PTPRG: variants seen among roughly 807,000 people sequenced by gnomAD.
PTPRG encodes the protein protein tyrosine phosphatase receptor type G, also known as receptor-type tyrosine-protein phosphatase gamma.
A neutral mutation model predicts 165.3 loss-of-function variants in PTPRG; 102 were observed. The observed-to-expected ratio is 0.62, with a 90% confidence interval of 0.53 to 0.73. The LOEUF is 0.73. Among genes scored for constraint, PTPRG ranks in the 30% least tolerant of loss-of-function variants. The pLI is 0.00. For missense variants in PTPRG, 1,866 were observed against 1,861.4 expected, an observed-to-expected ratio of 1.00 and a Z score of -0.05; for synonymous variants, 675 against 669.5, an observed-to-expected ratio of 1.01 and a Z score of -0.13.
rs1222656665 is a variant in PTPRG, at chr3:62,293,234, C to G, written c.4265C>G (p.Thr1422Arg). The change falls in exon 30 of 30, where the codon ACA becomes AGA. Residue 1422 changes from threonine (T) to arginine (R), a missense_variant. Thr to Arg is a moderately conservative substitution (Grantham distance 71, BLOSUM62 -1). This residue lies in a region of PTPRG where 1,452 missense variants were observed against 1,463.0 expected (regional missense o/e 0.99). Transcript: ENST00000474889. The stretch of plus-strand genomic sequence containing the variant: ...AAAGAAAATGGAAATGGTCCCATGA[C>G]AGTAGACAAAAATGGTGCTGTTCTT... The part of the protein sequence containing the change: ...STKENGNGPM[T>R]VDKNGAVLIA... The G allele has an allele frequency of 1.9e-6, 3 of 1,611,966 alleles. No homozygotes were observed. Among genetic ancestry groups the G allele is most frequent in the Admixed American group, 1.7e-5 (1 of 59,504 alleles).
chr3:62,273,776 C>A lies in PTPRG; in HGVS notation c.3397C>A (p.His1133Asn). 6.2e-7 allele frequency: 1 copy of A among 1,613,598 alleles called. No homozygotes were observed. Among genetic ancestry groups the A allele is most frequent in the African/African-American group, 1.3e-5 (1 of 74,994 alleles). ...GACTGAAGTATCTTCAAATCAGCTG[C>A]ACAGCTATGTTAACAGCATCCTTAT... ...KETEVSSNQL[H>N]SYVNSILIPG... Residue 1133 changes from histidine (H) to asparagine (N), a missense_variant, in exon 23 of 30, where the codon CAC becomes AAC. By Grantham distance (68) the His-to-Asn change is moderately conservative. This residue lies in a region of PTPRG where 1,452 missense variants were observed against 1,463.0 expected (regional missense o/e 0.99). Coordinates refer to ENST00000474889, the MANE Select transcript of PTPRG (RefSeq NM_002841.4). This position sits in a 1 kb window ranked among gnomAD's most constrained non-coding sequence, Gnocchi z 4.1.
chr3:61,635,582 T>C (rs1476528066), intron 1 of PTPRG, among the ~76,000 whole-genome samples: 1 of 151,972 alleles, frequency 6.6e-6, no homozygotes, highest in Admixed American at 6.6e-5. Context: ...GGTTTCAAAC[T>C]CTTGAGCTCA....
At chr3:62,246,859 C>T (rs1701298671) in intron 15 of PTPRG, among the ~76,000 whole-genome samples, 1 of 151,984 alleles carries the variant, frequency 6.6e-6, no homozygotes, top group Non-Finnish European at 1.5e-5. Context: ...ATTATTTTAC[C>T]ACTTGGGCTC....
Position 61,903,004 on chromosome 3 carries a change from G to C in PTPRG, c.191-86621G>C, listed in dbSNP as rs542586271. On this transcript the variant is annotated intron_variant, in intron 2 of 29. Transcript: ENST00000474889. ...TCTTTGGGGTTGAATGTGTGTGCCA[G>C]TAGCATAGGCACATGTAAGACCTGC... Among the ~76,000 whole-genome samples, 734 of 152,230 alleles carry C rather than the reference G, an allele frequency of 4.8e-3. 3 individuals carry two copies. The highest frequency in any genetic ancestry group is 0.017 in the African/African-American group (697 of 41,536).
rs747074079 is a variant in PTPRG at position 62,203,892 on chromosome 3, G to A, written c.2097G>A (p.Lys699=). The change falls in exon 12 of 30, where the codon AAG becomes AAA. Residue 699 remains lysine, a synonymous_variant. Coordinates refer to ENST00000474889, the MANE Select transcript of PTPRG (RefSeq NM_002841.4). The surrounding 1 kb of genome is among the most constrained non-coding windows in gnomAD (Gnocchi z 6.4). ...DPKRPEMPSK[K]PMSRGDRFSE... ...AGAGGCCCGAAATGCCATCTAAAAA[G>A]CCTATGTCCCGCGGGGACCGATTTT... The A allele has an allele frequency of 6.2e-7, 1 of 1,612,468 alleles. No homozygotes were observed. The highest frequency in any genetic ancestry group is 1.7e-5 in the Admixed American group (1 of 59,832).
At chr3:62,002,626 T>C (rs922788157) in intron 3 of PTPRG, among the ~76,000 whole-genome samples, 3 of 152,210 alleles carry the variant, frequency 2.0e-5, no homozygotes, top group African/African-American at 7.2e-5. Flanking sequence ...GGAATTTAGT[T>C]GAGGTTCCCT....
At chr3:61,924,773 T>A (rs531983233) in intron 2 of PTPRG, among the ~76,000 whole-genome samples, 59 of 152,184 alleles carry the variant, frequency 3.9e-4, no homozygotes, top group Non-Finnish European at 7.3e-4. Flanking sequence ...CTGCAACTAT[T>A]TGTCTTTGTC....
intron 2 of PTPRG, among the ~76,000 whole-genome samples, chr3:61,907,948 C>T (rs1414400208): frequency 6.6e-6 from 1 of 150,656 alleles, no homozygotes; most frequent in African/African-American, 2.5e-5. Context: ...AGCGAGACCC[C>T]CGTCTCTGTG....
chr3:61,711,001 T>TA (rs990681915), intron 1 of PTPRG, among the ~76,000 whole-genome samples: 83 of 152,204 alleles, frequency 5.5e-4, no homozygotes, highest in African/African-American at 1.9e-3. Context: ...AACTCCCACT[T>TA]ATGACTCAGA....
chr3:61,741,941 C>T (rs1340097881), intron 1 of PTPRG, among the ~76,000 whole-genome samples: 2 of 152,118 alleles, frequency 1.3e-5, no homozygotes, highest in Non-Finnish European at 2.9e-5. Context: ...GAAAAATATT[C>T]CCTATGGATA....
chr3:61,962,526 T>C (rs1166387181), intron 2 of PTPRG, among the ~76,000 whole-genome samples: 1 of 151,908 alleles, frequency 6.6e-6, no homozygotes, highest in Non-Finnish European at 1.5e-5. Context: ...TTTGAGTTCC[T>C]TTGCTATTAA....
intron 1 of PTPRG, among the ~76,000 whole-genome samples, chr3:61,725,058 G>A (rs1308762389): frequency 1.3e-5 from 2 of 152,112 alleles, no homozygotes; most frequent in African/African-American, 4.8e-5. Context: ...CAAGCACCAG[G>A]TACAGAAGAT....
chr3:61,882,731 C>A (rs1053318963), intron 2 of PTPRG, among the ~76,000 whole-genome samples: 15 of 152,066 alleles, frequency 9.9e-5, no homozygotes, highest in Admixed American at 6.6e-4. Context: ...TCTGTCTTTC[C>A]CATTGGATTG....
chr3:61,618,730 CT>C (rs907079599), intron 1 of PTPRG, among the ~76,000 whole-genome samples: 29 of 152,218 alleles, frequency 1.9e-4, no homozygotes, highest in African/African-American at 6.7e-4. Context: ...AAAATTTTGG[CT>C]CATAAAGCTG....
intron 2 of PTPRG, among the ~76,000 whole-genome samples, chr3:61,818,769 G>A (rs979645820): frequency 6.6e-6 from 1 of 151,602 alleles, no homozygotes; most frequent in Non-Finnish European, 1.5e-5. Flanking sequence ...TGAAAGTAAA[G>A]AGAAAAAAAA....
At chr3:61,737,051 G>T (rs1252287043) in intron 1 of PTPRG, among the ~76,000 whole-genome samples, 1 of 152,096 alleles carries the variant, frequency 6.6e-6, no homozygotes, top group Non-Finnish European at 1.5e-5. Context: ...ATTTACCAGG[G>T]TGGATGCCAC....
intron 1 of PTPRG, among the ~76,000 whole-genome samples, chr3:61,717,983 C>T (rs998848050): frequency 5.9e-5 from 9 of 151,612 alleles, no homozygotes; most frequent in African/African-American, 1.9e-4. Context: ...AGATTGAGAC[C>T]AGCCTGGCCA....
At chr3:62,077,190 T>C (rs1180226273) in intron 4 of PTPRG, among the ~76,000 whole-genome samples, 2 of 151,750 alleles carry the variant, frequency 1.3e-5, no homozygotes, top group African/African-American at 4.8e-5. Flanking sequence ...CTACTGAGCC[T>C]AGGAGATGGA....
intron 1 of PTPRG, among the ~76,000 whole-genome samples, chr3:61,624,213 C>T (rs535394731): frequency 1.2e-4 from 19 of 152,200 alleles, no homozygotes; most frequent in Non-Finnish European, 2.1e-4. Flanking sequence ...TTAATAGCTG[C>T]GAACCGGAGC....
Sources: allele counts gnomAD v4.1 joint callset (sites outside exome capture counted in the v4.1 genomes callset), GRCh38; gene constraint gnomAD v4.1.1; regional missense constraint gnomAD v4.1.1; non-coding constraint Gnocchi (gnomAD v3.1); transcripts MANE v1.5; gene names NCBI Gene and HGNC (gene_info 2026-07-23, HGNC 2026-07-21).